Variants in COL26A1 observed in about 807,000 individuals in gnomAD.
The protein encoded by COL26A1 is collagen alpha-1(XXVI) chain.
In COL26A1, 41 loss-of-function variants were observed where a neutral mutation model predicts 59.3. That is an observed-to-expected ratio of 0.69 (90% CI 0.54 to 0.90). The LOEUF is 0.90. COL26A1 is among the 40% of genes least tolerant of loss of function. COL26A1 has a pLI of 0.00. For missense variants in COL26A1, 612 were observed against 602.3 expected (o/e 1.02, Z -0.17); for synonymous variants, 266 against 256.0 (o/e 1.04, Z -0.37).
chr7:101,509,733 T>C (rs1794882845), intron 3 of COL26A1, among the ~76,000 whole-genome samples: 1 of 151,976 alleles, frequency 6.6e-6, no homozygotes, highest in African/African-American at 2.4e-5. Context: ...CTGGGGGCTC[T>C]TTTATTTTTT....
At chr7:101,457,893 AC>A (rs1793513794) in intron 3 of COL26A1, among the ~76,000 whole-genome samples, 1 of 126,314 alleles carries the variant, frequency 7.9e-6, no homozygotes, top group South Asian at 2.4e-4. Context: ...GTATAGCTTA[AC>A]TTTTTTTTTT....
At chr7:101,418,766 A>AT (rs1490133541) in intron 1 of COL26A1, among the ~76,000 whole-genome samples, 1 of 151,826 alleles carries the variant, frequency 6.6e-6, no homozygotes, top group Non-Finnish European at 1.5e-5. Flanking sequence ...TTATTTTTTA[A>AT]TTTTCAATTT....
chr7:101,432,910 C>T (rs1029601518), intron 2 of COL26A1, among the ~76,000 whole-genome samples: 5 of 151,934 alleles, frequency 3.3e-5, no homozygotes, highest in African/African-American at 1.2e-4. Context: ...CCATATTGGT[C>T]AGGCTGGTCT....
rs377059281 is a variant in COL26A1 at position 101,547,222 on chromosome 7, G to T, written c.923G>T (p.Gly308Val). 20 of 1,582,954 alleles carry T rather than the reference G, an allele frequency of 1.3e-5. No homozygotes were observed. Among genetic ancestry groups the T allele is most frequent in the Admixed American group, 3.6e-5 (2 of 55,760 alleles). ...TVLAGVPGPR[G>V]PPGPPGPPGP... ...CTGGCAGGTGTCCCAGGACCCCGGG[G>T]TCCCCCTGGTCCACCAGGTAAGTGA... is the stretch of plus-strand genomic sequence containing the variant. Residue 308 changes from glycine (G) to valine (V), a missense_variant, in exon 8 of 13, where the codon GGT becomes GTT. Coordinates refer to ENST00000313669, the MANE Select transcript of COL26A1 (RefSeq NM_001278563.3).
chr7:101,436,037 G>A (rs975968607), intron 2 of COL26A1, among the ~76,000 whole-genome samples: 36 of 152,176 alleles, frequency 2.4e-4, no homozygotes, highest in African/African-American at 8.7e-4. Flanking sequence ...TAGCGGGACT[G>A]TTTGGGTTGA....
At chr7:101,502,158 A>G (rs1025108297) in intron 3 of COL26A1, among the ~76,000 whole-genome samples, 1 of 152,224 alleles carries the variant, frequency 6.6e-6, no homozygotes, top group Non-Finnish European at 1.5e-5. Flanking sequence ...CCTGGCCAAC[A>G]GGACGAAACC....
At chr7:101,494,618 G>A (rs1584461146) in intron 3 of COL26A1, among the ~76,000 whole-genome samples, 2 of 152,216 alleles carry the variant, frequency 1.3e-5, no homozygotes, top group Non-Finnish European at 2.9e-5. Flanking sequence ...ATTGAGTTTC[G>A]TCTGCATTTC....
chr7:101,462,894 C>G (rs1259416298), intron 3 of COL26A1, among the ~76,000 whole-genome samples: 1 of 152,120 alleles, frequency 6.6e-6, no homozygotes, highest in Non-Finnish European at 1.5e-5. Context: ...TGTTCAGATG[C>G]AGTGACCTTG....
At chr7:101,543,955 G>A (rs1215222619) in intron 5 of COL26A1, 43 bp from the exon 6 acceptor site, 2 of 1,419,026 alleles carry the variant, frequency 1.4e-6, no homozygotes, top group Admixed American at 2.1e-5. Flanking sequence ...CTGGAGGCTG[G>A]GGGTCCACCA....
At chr7:101,410,686 G>GGTGTGTGT (rs3072481) in intron 1 of COL26A1, among the ~76,000 whole-genome samples, 39 of 149,604 alleles carry the variant, frequency 2.6e-4, no homozygotes, top group African/African-American at 7.1e-4. Context: ...GGCTAATTTT[G>GGTGTGTGT]GTGTGTGTGT....
At chr7:101,527,623 CA>C (rs1795275668) in intron 3 of COL26A1, among the ~76,000 whole-genome samples, 1 of 152,202 alleles carries the variant, frequency 6.6e-6, no homozygotes, top group Non-Finnish European at 1.5e-5. Context: ...CGTGAGCCAC[CA>C]CGCCAGCCTG....
intron 1 of COL26A1, among the ~76,000 whole-genome samples, chr7:101,395,856 G>A (rs1791843097): frequency 2.0e-5 from 3 of 152,180 alleles, no homozygotes; most frequent in Admixed American, 1.3e-4. Context: ...TCTGGAGGCT[G>A]CAGCCTTGGG....
At chr7:101,489,824 T>TG (rs1342719294) in intron 3 of COL26A1, among the ~76,000 whole-genome samples, 222 of 8,620 alleles carry the variant, frequency 0.026, 36 homozygotes, top group Admixed American at 0.047. Context: ...CTTTCTTTCT[T>TG]TCTTTCTTTC....
chr7:101,463,775 T>TTCTTTCTCTC (rs1166954362), intron 3 of COL26A1, among the ~76,000 whole-genome samples: 12 of 119,570 alleles, frequency 1.0e-4, no homozygotes, highest in African/African-American at 4.2e-4. Flanking sequence ...CCTTCCTTCT[T>TTCTTTCTCTC]TCTTTCTTTC....
chr7:101,419,954 T>C, intron 1 of COL26A1, 23 bp from the exon 2 acceptor site: 1 of 1,612,032 alleles, frequency 6.2e-7, no homozygotes, highest in Non-Finnish European at 8.5e-7. Context: ...GCAGGGCTCA[T>C]GTGACTGTTG....
Position 101,557,673 on chromosome 7 carries a change from GATA to G in COL26A1, c.*146_*148del. The G allele has an allele frequency of 1.2e-6, 1 of 841,300 alleles. No homozygotes were observed. The highest frequency in any genetic ancestry group is 1.8e-6 in the Non-Finnish European group (1 of 561,874). The allele number at this position is 841,300 out of a possible 1,614,324, so 52.1% of individuals were successfully genotyped here. ...GAGGACATGGGGGGCTTTGGGGACAGATAATGTCTCCAGGGGCAGGGTCTGGAG... is the reference window on the plus strand; with the variant it reads ...GAGGACATGGGGGGCTTTGGGGACAGATGTCTCCAGGGGCAGGGTCTGGAG... On this transcript the variant is annotated 3_prime_UTR_variant, in exon 13 of 13. Transcript: ENST00000313669.
At position 101,426,743 on chromosome 7, in the gene COL26A1, C is replaced by T. The variant is rs972700615; in HGVS notation, c.281+6644C>T. Among the ~76,000 whole-genome samples, 8 of 152,244 alleles carry T rather than the reference C, an allele frequency of 5.3e-5. No homozygotes were observed. The South Asian group carries it at 1.7e-3, about 32-fold the overall frequency. On this transcript the variant is annotated intron_variant, in intron 2 of 12. Coordinates refer to ENST00000313669, the MANE Select transcript of COL26A1 (RefSeq NM_001278563.3). ...GGGGAAGGTCCTGCACTGAGCCTTG[C>T]TGTAATAAGAACCCTGGGAATGCAG...
intron 1 of COL26A1, among the ~76,000 whole-genome samples, chr7:101,412,741 TCTGCAGGGAGCAGGACCTCTG>T (rs1273036372): frequency 3.3e-5 from 5 of 151,742 alleles, no homozygotes; most frequent in African/African-American, 1.2e-4. Context: ...GTAGCCCTGC[TCTGCAGGGAGCAGGACCTCTG>T]CTGCTGCTGT....
chr7:101,381,699 A>G (rs149155367), intron 1 of COL26A1, among the ~76,000 whole-genome samples: 131 of 152,300 alleles, frequency 8.6e-4, no homozygotes, highest in Non-Finnish European at 1.5e-3. Flanking sequence ...AACATCTTCC[A>G]TTAGGCCCCA....
Sources: gnomAD v4.1 joint callset for allele counts (sites outside exome capture counted in the v4.1 genomes callset) on GRCh38, gnomAD v4.1.1 for gene constraint, MANE v1.5 for transcripts, NCBI Gene and HGNC (gene_info 2026-07-23, HGNC 2026-07-21) for gene names.